TFAP2B: variants seen among roughly 807,000 people sequenced by gnomAD.
TFAP2B encodes the protein transcription factor AP-2-beta.
In TFAP2B, 9 loss-of-function variants were observed where a neutral mutation model predicts 44.3. The observed-to-expected ratio is 0.20, with a 90% confidence interval of 0.12 to 0.35. The LOEUF is 0.35. TFAP2B is among the 10% of genes least tolerant of loss of function. The pLI, the probability that TFAP2B is intolerant of heterozygous loss-of-function variation, is 1.00. For synonymous variants in TFAP2B, 270 were observed against 263.8 expected (o/e 1.02, Z -0.23); for missense variants, 509 against 600.0 (o/e 0.85, Z 1.59).
chr6:50,820,116 A>G (rs1770296249), intron 1 of TFAP2B, among the ~76,000 whole-genome samples: 1 of 152,010 alleles, frequency 6.6e-6, no homozygotes, highest in South Asian at 2.1e-4. Context: ...GATTGCTAAG[A>G]GGAAAAGTTG....
At position 50,818,882 on chromosome 6, in the gene TFAP2B, C is replaced by T. The variant is rs754760121; in HGVS notation, c.-10C>T. The T allele has an allele frequency of 6.2e-7, 1 of 1,613,302 alleles. No individual in the cohort carries two copies. The highest frequency in any genetic ancestry group is 8.5e-7 in the Non-Finnish European group (1 of 1,179,346). On this transcript the variant is annotated 5_prime_UTR_variant, in exon 1 of 7. Transcript: ENST00000393655. The stretch of plus-strand genomic sequence containing the variant: ...AGTCCTGAGAAGCCAGACATCTGCT[C>T]CTCACATGAATGCACTCACCTCCTA...
intron 6 of TFAP2B, among the ~76,000 whole-genome samples, chr6:50,841,396 C>A (rs1762728873): frequency 6.6e-6 from 1 of 152,084 alleles, no homozygotes. Context: ...AGATTGCCCT[C>A]CTGCCCCTTG....
At chr6:50,818,657 G>A, upstream of TFAP2B, 1 of 524,092 alleles carries the variant, frequency 1.9e-6, no homozygotes, top group South Asian at 2.4e-5. Context: ...GTGTAAATAC[G>A]GGTTTATGAT....
In TFAP2B at chr6:50,840,212, G is replaced by C; in HGVS notation, c.997G>C (p.Ala333Pro). The change falls in exon 6 of 7, where the codon GCC (alanine) becomes CCC (proline). Residue 333 changes from alanine (A) to proline (P), a missense_variant. Physicochemically the swap from Ala to Pro is conservative, Grantham distance 27. This residue lies in a region of TFAP2B where 168 missense variants were observed against 183.2 expected (regional missense o/e 0.92). Coordinates refer to ENST00000393655, the MANE Select transcript of TFAP2B (RefSeq NM_003221.4). ...FGYICETEFP[A>P]KAVSEYLNRQ... is the part of the protein sequence containing the mutation. ...GTACATTTGCGAAACGGAGTTTCCCGCCAAAGCCGTCTCTGAGTATTTGAA... is the reference window on the plus strand; with the variant it reads ...GTACATTTGCGAAACGGAGTTTCCCCCCAAAGCCGTCTCTGAGTATTTGAA... 1 of 1,614,032 alleles carries C rather than the reference G, an allele frequency of 6.2e-7. No individual in the cohort carries two copies. Among genetic ancestry groups the C allele is most frequent in the Non-Finnish European group, 8.5e-7 (1 of 1,180,020 alleles).
intron 5 of TFAP2B, among the ~76,000 whole-genome samples, chr6:50,839,137 TA>T (rs1762676943): frequency 6.6e-6 from 1 of 152,180 alleles, no homozygotes; most frequent in Admixed American, 6.5e-5. Flanking sequence ...TTTCACATTT[TA>T]CCCTTCAGGG....
intron 2 of TFAP2B, among the ~76,000 whole-genome samples, chr6:50,827,197 C>A (rs1445571816): frequency 1.3e-5 from 2 of 152,164 alleles, no homozygotes; most frequent in Admixed American, 1.3e-4. Flanking sequence ...TTCTGTCCTG[C>A]CTGGACACAT....
intron 1 of TFAP2B, among the ~76,000 whole-genome samples, chr6:50,820,399 CCG>C (rs1770308742): frequency 6.6e-6 from 1 of 152,238 alleles, no homozygotes; most frequent in Non-Finnish European, 1.5e-5. Flanking sequence ...CTGCCCCCCC[CCG>C]AATCCTAATG....
At chr6:50,842,485 A>G (rs1337021456) in intron 6 of TFAP2B, among the ~76,000 whole-genome samples, 2 of 152,212 alleles carry the variant, frequency 1.3e-5, no homozygotes, top group African/African-American at 4.8e-5. Flanking sequence ...CTACACTTGG[A>G]AGAAAGAAAG....
At chr6:50,827,621 TAAC>T (rs1443506933) in intron 2 of TFAP2B, among the ~76,000 whole-genome samples, 2 of 152,204 alleles carry the variant, frequency 1.3e-5, no homozygotes, top group Non-Finnish European at 2.9e-5. Flanking sequence ...ATAAAGTGGG[TAAC>T]AATTTGGTCC....
intron 1 of TFAP2B, among the ~76,000 whole-genome samples, chr6:50,819,190 T>C (rs533506743): frequency 2.0e-5 from 3 of 152,066 alleles, no homozygotes; most frequent in Non-Finnish European, 4.4e-5. Context: ...TTTAGGAATG[T>C]TTTTATTTAT....
chr6:50,823,378 T>C (rs1770408536), intron 1 of TFAP2B, 29 bp from the exon 2 acceptor site: 1 of 1,546,446 alleles, frequency 6.5e-7, no homozygotes, highest in Non-Finnish European at 8.8e-7. Flanking sequence ...CTTCTCTGGC[T>C]CTCTTCCCCT....
chr6:50,819,832 C>CGGCCGAGGCGGGCGAGGT (rs1770279909), intron 1 of TFAP2B, among the ~76,000 whole-genome samples: 1 of 151,628 alleles, frequency 6.6e-6, no homozygotes, highest in Admixed American at 6.6e-5. Context: ...GCGGACGAGG[C>CGGCCGAGGCGGGCGAGGT]GGCCGAGGCG....
intron 3 of TFAP2B, among the ~76,000 whole-genome samples, chr6:50,835,721 A>G (rs1762606195): frequency 6.6e-6 from 1 of 152,218 alleles, no homozygotes; most frequent in Admixed American, 6.5e-5. Context: ...TCAGGTGTCT[A>G]AGGTCACAGA....
In TFAP2B at chr6:50,818,874, CATCTGCTCCTCA is replaced by C. The variant is rs745825358; in HGVS notation, c.-17_-6del. On this transcript the variant is annotated 5_prime_UTR_variant, in exon 1 of 7. Coordinates refer to ENST00000393655, the MANE Select transcript of TFAP2B (RefSeq NM_003221.4). ...GACAGCGGAGTCCTGAGAAGCCAGA[CATCTGCTCCTCA>C]CATGAATGCACTCACCTCCTAGAGA... is the stretch of plus-strand genomic sequence containing the variant. The C allele has an allele frequency of 8.7e-6, 14 of 1,611,378 alleles. No homozygotes were observed. The highest frequency in any genetic ancestry group is 1.2e-5 in the Non-Finnish European group (14 of 1,177,694).
rs55653665 is a variant in TFAP2B, at chr6:50,845,271, T to C, written c.*1879T>C. ...TTTATAGTTAGGACCCACTCAATTC[T>C]CCAGGACTCCCGGTTTTGCCCCCCT... On this transcript the variant is annotated 3_prime_UTR_variant, in exon 7 of 7. Transcript: ENST00000393655. The C allele has an allele frequency of 0.14, 21,293 of 152,208 alleles. 1,619 individuals are homozygous for C. Among genetic ancestry groups the C allele is most frequent in the African/African-American group, 0.2 (8,289 of 41,494 alleles). 9.4% of individuals were successfully genotyped at this position (152,208 alleles called of 1,614,324 possible). A position where few individuals can be genotyped will look rare whatever the true frequency, so the allele number is the denominator to read the frequency against.
At chr6:50,819,819 T>G (rs1381299582) in intron 1 of TFAP2B, among the ~76,000 whole-genome samples, 6 of 151,918 alleles carry the variant, frequency 3.9e-5, no homozygotes, top group East Asian at 1.9e-4. Flanking sequence ...CGAGGCGGAC[T>G]AGGCGGACGA....
chr6:50,838,302 A>G (rs146741436), intron 5 of TFAP2B, among the ~76,000 whole-genome samples: 4 of 152,312 alleles, frequency 2.6e-5, no homozygotes, highest in Admixed American at 1.3e-4. Context: ...GAAGTATTTG[A>G]GAGTTCCTGT....
At chr6:50,826,580 C>CGT (rs748608995) in intron 2 of TFAP2B, among the ~76,000 whole-genome samples, 4 of 145,074 alleles carry the variant, frequency 2.8e-5, no homozygotes, top group Non-Finnish European at 4.5e-5. Flanking sequence ...CGCGCGCGCG[C>CGT]GCGCGCGTGT....
chr6:50,843,192 C>T lies in TFAP2B; in HGVS notation c.1183C>T (p.Leu395Phe). 1.9e-6 allele frequency: 3 copies of T among 1,614,242 alleles called. No individual in the cohort carries two copies. Among genetic ancestry groups the T allele is most frequent in the Middle Eastern group, 1.6e-4 (1 of 6,062 alleles). ...CCTGGAGCCGGGGATCCAGAGCTGC[C>T]TCACGCACTTCAGCCTCATCACGCA... ...PILEPGIQSC[L>F]THFSLITHGF... Residue 395 changes from leucine (L) to phenylalanine (F), a missense_variant, in exon 7 of 7, where the codon CTC becomes TTC. Leu to Phe is a conservative substitution (Grantham distance 22, BLOSUM62 0). Coordinates refer to ENST00000393655, the MANE Select transcript of TFAP2B (RefSeq NM_003221.4).
Sources: gnomAD v4.1 joint callset for allele counts (sites outside exome capture counted in the v4.1 genomes callset) on GRCh38, gnomAD v4.1.1 for gene constraint, gnomAD v4.1.1 regional missense constraint, MANE v1.5 for transcripts, NCBI Gene and HGNC (gene_info 2026-07-23, HGNC 2026-07-21) for gene names.